The following FIGN variants were observed in gnomAD, a reference collection of about 807,000 sequenced individuals.
FIGN encodes the protein fidgetin, microtubule severing factor.
Under a neutral mutation model 51.3 loss-of-function variants are expected in FIGN, and 11 were observed. The observed-to-expected ratio is 0.21, with a 90% CI of 0.13 to 0.35. The LOEUF (loss-of-function observed/expected upper bound fraction) is 0.35, where lower values mean the gene tolerates loss of function less well. Among genes scored for constraint, FIGN ranks in the 10% least tolerant of loss-of-function variants. FIGN has a pLI of 1.00. For synonymous variants in FIGN, 407 were observed against 363.2 expected, an observed-to-expected ratio of 1.12 and a Z score of -1.37; for missense variants, 857 against 943.6, an observed-to-expected ratio of 0.91 and a Z score of 1.20.
chr2:163,691,859 A>C (rs1415580020), intron 2 of FIGN, among the ~76,000 whole-genome samples: 2 of 152,182 alleles, frequency 1.3e-5, no homozygotes, highest in African/African-American at 4.8e-5. Flanking sequence ...TAGAATAAAG[A>C]ACAAAATGTT....
Position 163,629,625 on chromosome 2 carries a change from A to G in FIGN, c.26-17819T>C, listed in dbSNP as rs961059019. On this transcript the variant is annotated intron_variant, in intron 2 of 2. Coordinates refer to ENST00000333129, the MANE Select transcript of FIGN (RefSeq NM_018086.4). ...ATCCAGTGTGATATCTTCTGTAAAT[A>G]AAGTTGTATTGGAACACAGCCACAC... Among the ~76,000 whole-genome samples the G allele has an allele frequency of 2.0e-5, 3 of 152,244 alleles. No homozygotes were observed. In the East Asian group the frequency reaches 5.8e-4, roughly 29 times the overall value.
chr2:163,730,269 A>T (rs1684905333), intron 2 of FIGN, among the ~76,000 whole-genome samples: 1 of 152,260 alleles, frequency 6.6e-6, no homozygotes, highest in African/African-American at 2.4e-5. Flanking sequence ...CAAAAATATC[A>T]AAAAGATTAG....
intron 2 of FIGN, among the ~76,000 whole-genome samples, chr2:163,716,583 G>C (rs566391707): frequency 1.3e-5 from 2 of 152,274 alleles, no homozygotes; most frequent in South Asian, 4.1e-4. Context: ...TGAAGGGTGA[G>C]TGGATAAACT....
intron 2 of FIGN, among the ~76,000 whole-genome samples, chr2:163,722,865 T>C (rs1176812646): frequency 2.0e-5 from 3 of 152,112 alleles, no homozygotes; most frequent in Admixed American, 6.5e-5. Flanking sequence ...TTAAAAATCA[T>C]CTTTTAATTT....
intron 2 of FIGN, among the ~76,000 whole-genome samples, chr2:163,636,319 C>T (rs1166846629): frequency 6.6e-6 from 1 of 152,238 alleles, no homozygotes; most frequent in East Asian, 1.9e-4. Flanking sequence ...GAGTTTCGCT[C>T]TTGTTGCCCA....
chr2:163,699,147 C>G (rs1684368576), intron 2 of FIGN, among the ~76,000 whole-genome samples: 1 of 152,134 alleles, frequency 6.6e-6, no homozygotes, highest in African/African-American at 2.4e-5. Flanking sequence ...GCAACAGGAA[C>G]TTTCTAAATC....
chr2:163,649,778 C>A (rs1044724657), intron 2 of FIGN, among the ~76,000 whole-genome samples: 7 of 152,178 alleles, frequency 4.6e-5, no homozygotes, highest in Admixed American at 4.6e-4. Flanking sequence ...GGTAAAATGG[C>A]ACGAATAGTG....
intron 2 of FIGN, among the ~76,000 whole-genome samples, chr2:163,673,284 G>A (rs559964828): frequency 5.9e-5 from 9 of 152,028 alleles, no homozygotes; most frequent in Non-Finnish European, 8.8e-5. Flanking sequence ...GGGTCCCTGA[G>A]GGAAGAAAGC....
intron 2 of FIGN, among the ~76,000 whole-genome samples, chr2:163,660,285 G>C (rs533111962): frequency 6.6e-6 from 1 of 151,954 alleles, no homozygotes; most frequent in African/African-American, 2.4e-5. Context: ...AATATTCAAT[G>C]CTGCATAATG....
chr2:163,609,539 T>A lies in FIGN; in HGVS notation c.*13A>T. The A allele has an allele frequency of 6.4e-7, 1 of 1,551,970 alleles. No individual in the cohort carries two copies. ...GCCAACATTCATTACATTTTTTTTT[T>A]CTAAAGAAGTTATCACTGACTGCAA... On this transcript the variant is annotated 3_prime_UTR_variant, in exon 3 of 3. Transcript: ENST00000333129.
intron 2 of FIGN, among the ~76,000 whole-genome samples, chr2:163,689,207 C>CAG (rs903407081): frequency 6.0e-5 from 9 of 150,956 alleles, no homozygotes; most frequent in South Asian, 4.2e-4. Flanking sequence ...GAAACACACA[C>CAG]AGAGAGAGAG....
At chr2:163,616,570 C>T (rs1682880980) in intron 2 of FIGN, among the ~76,000 whole-genome samples, 1 of 152,134 alleles carries the variant, frequency 6.6e-6, no homozygotes, top group Non-Finnish European at 1.5e-5. Flanking sequence ...GAGGCAAACA[C>T]CTGCAGGCAT....
chr2:163,726,906 T>C (rs2126007), intron 2 of FIGN, among the ~76,000 whole-genome samples: 5,790 of 152,152 alleles, frequency 0.038, 132 homozygotes, highest in Non-Finnish European at 0.046. Context: ...TACTGTTTAT[T>C]TCATAGTATT....
rs1002464749 is a variant in FIGN, at chr2:163,690,355, A to G, written c.25+44548T>C. 3.3e-5 allele frequency among the ~76,000 whole-genome samples: 5 copies of G among 152,300 alleles called. No homozygotes were observed. The East Asian group carries it at 5.8e-4, about 18-fold the overall frequency. ...TTTAAAAATCAAATAAAGTATCGGTATACATTTATACATTTATGGGGAAAT... is the reference window on the plus strand; with the variant it reads ...TTTAAAAATCAAATAAAGTATCGGTGTACATTTATACATTTATGGGGAAAT... On this transcript the variant is annotated intron_variant, in intron 2 of 2. Transcript: ENST00000333129.
At position 163,611,703 on chromosome 2, in the gene FIGN, T is replaced by C. The variant is rs376725518; in HGVS notation, c.129A>G (p.Arg43=). ...RSPAHKVEAY[R]GHLQRTYQYA... is the part of the protein sequence containing the mutation. ...ACTGATAGGTGCGCTGCAGATGACC[T>C]CTGTAGGCTTCAACTTTGTGGGCAG... The change falls in exon 3 of 3, where the codon AGA becomes AGG. Residue 43 remains arginine, a synonymous_variant. Coordinates refer to ENST00000333129, the MANE Select transcript of FIGN (RefSeq NM_018086.4). The C allele has an allele frequency of 6.6e-5, 106 of 1,614,062 alleles. No homozygotes were observed. Among genetic ancestry groups the C allele is most frequent in the Non-Finnish European group, 8.7e-5 (103 of 1,180,038 alleles).
In FIGN at chr2:163,611,555, C is replaced by T; in HGVS notation, c.277G>A (p.Asp93Asn). 6.2e-7 allele frequency: 1 copy of T among 1,614,206 alleles called. No individual in the cohort carries two copies. The highest frequency in any genetic ancestry group is 8.5e-7 in the Non-Finnish European group (1 of 1,180,024). ...CCGTTCACTAGTCCTGATGGTGTGT[C>T]CGAATAGTTGCTGAGTACGGGTCGG... ...VDRPVLSNYS[D>N]TPSGLVNGRK... The change falls in exon 3 of 3, where the codon GAC (aspartate) becomes AAC (asparagine). Residue 93 changes from aspartate to asparagine, a missense_variant. Physicochemically the swap from Asp to Asn is conservative, Grantham distance 23. This residue lies in a region of FIGN where 799 missense variants were observed against 849.5 expected (regional missense o/e 0.94). Transcript: ENST00000333129.
intron 2 of FIGN, among the ~76,000 whole-genome samples, chr2:163,707,621 G>A (rs1239092912): frequency 6.6e-6 from 1 of 151,984 alleles, no homozygotes; most frequent in African/African-American, 2.4e-5. Context: ...AATCATTATT[G>A]TAAATCTCAT....
intron 2 of FIGN, among the ~76,000 whole-genome samples, chr2:163,699,265 T>C (rs931996995): frequency 6.6e-6 from 1 of 152,186 alleles, no homozygotes; most frequent in African/African-American, 2.4e-5. Flanking sequence ...TCAGATGTTT[T>C]TAGTTCTATA....
chr2:163,682,204 C>A (rs1684076681), intron 2 of FIGN, among the ~76,000 whole-genome samples: 1 of 152,122 alleles, frequency 6.6e-6, no homozygotes, highest in African/African-American at 2.4e-5. Context: ...TGAGTTTATT[C>A]TAATGGGAAA....
Sources: allele counts gnomAD v4.1 joint callset (sites outside exome capture counted in the v4.1 genomes callset), GRCh38; gene constraint gnomAD v4.1.1; regional missense constraint gnomAD v4.1.1; transcripts MANE v1.5; gene names NCBI Gene and HGNC (gene_info 2026-07-23, HGNC 2026-07-21).